ATP9B: variants seen among roughly 807,000 people sequenced by gnomAD.
The protein encoded by ATP9B is probable phospholipid-transporting ATPase IIB.
In ATP9B, 110 loss-of-function variants were observed where a neutral mutation model predicts 146.1. The observed-to-expected ratio is 0.75, with a 90% CI of 0.65 to 0.88. The LOEUF (loss-of-function observed/expected upper bound fraction) is 0.88, where lower values mean the gene tolerates loss of function less well. Among genes scored for constraint, ATP9B ranks in the 40% least tolerant of loss-of-function variants. The probability of loss-of-function intolerance (pLI) is 0.00; values close to 1 mark genes in which losing one functional copy is unlikely to be tolerated. For synonymous variants in ATP9B, 604 were observed against 569.7 expected (o/e 1.06, Z -0.86); for missense variants, 1,499 against 1,496.4 (o/e 1.00, Z -0.03).
intron 13 of ATP9B, among the ~76,000 whole-genome samples, chr18:79,284,201 G>T (rs2096409898): frequency 6.6e-6 from 1 of 152,188 alleles, no homozygotes; most frequent in African/African-American, 2.4e-5. Context: ...AATCTCACAG[G>T]TAAGACTTGG....
In ATP9B at chr18:79,359,369, C is replaced by T. The variant is rs758890366; in HGVS notation, c.2919C>T (p.Tyr973=). 1.2e-6 allele frequency: 2 copies of T among 1,613,554 alleles called. No homozygotes were observed. Among genetic ancestry groups the T allele is most frequent in the Non-Finnish European group, 1.7e-6 (2 of 1,179,620 alleles). The change falls in exon 26 of 30, where the codon TAC becomes TAT. Residue 973 remains tyrosine (Y), a synonymous_variant. Coordinates refer to ENST00000426216, the MANE Select transcript of ATP9B (RefSeq NM_198531.5). The stretch of plus-strand genomic sequence containing the variant: ...GGTCTTGCAGGTATGCCACCATATA[C>T]ACCATGTTCCCAGTGTTCTCCTTAG... ...GFLMVGYATI[Y]TMFPVFSLVL...
At chr18:79,222,654 C>A (rs1455473943) in intron 11 of ATP9B, among the ~76,000 whole-genome samples, 1 of 152,134 alleles carries the variant, frequency 6.6e-6, no homozygotes, top group Non-Finnish European at 1.5e-5. Flanking sequence ...AAAAAGAATT[C>A]TTGAAGGTGA....
chr18:79,356,830 AGG>A (rs2096957139), intron 25 of ATP9B, among the ~76,000 whole-genome samples: 2 of 73,986 alleles, frequency 2.7e-5, no homozygotes, highest in South Asian at 1.5e-3. Context: ...TGTCTGTGTG[AGG>A]GATGCTCTGG....
chr18:79,372,949 T>C, intron 27 of ATP9B, 67 bp downstream of exon 27: 1 of 1,131,932 alleles, frequency 8.8e-7, no homozygotes. Flanking sequence ...TTAGCAATAT[T>C]GTTTTTACTT....
At chr18:79,199,740 G>C (rs943286376) in intron 9 of ATP9B, among the ~76,000 whole-genome samples, 1 of 149,604 alleles carries the variant, frequency 6.7e-6, no homozygotes, top group African/African-American at 2.5e-5. Flanking sequence ...CTCCAGCCTG[G>C]TGACAGAACA....
intron 1 of ATP9B, chr18:79,087,657 G>A (rs1223455252): frequency 1.3e-5 from 2 of 152,150 alleles, no homozygotes; most frequent in African/African-American, 4.8e-5. Context: ...AAACAATAAG[G>A]CTTAGATATT....
At chr18:79,094,368 C>T (rs529023595) in intron 1 of ATP9B, among the ~76,000 whole-genome samples, 38 of 152,306 alleles carry the variant, frequency 2.5e-4, no homozygotes, top group Non-Finnish European at 1.2e-4. Flanking sequence ...GTTGTTTTTT[C>T]TCAGCTTTAT....
intron 13 of ATP9B, among the ~76,000 whole-genome samples, chr18:79,279,504 A>G (rs2096353644): frequency 6.6e-6 from 1 of 152,262 alleles, no homozygotes; most frequent in Non-Finnish European, 1.5e-5. Flanking sequence ...TAGAAAAAGC[A>G]AAAGAAACTT....
chr18:79,257,380 G>T (rs947964361), intron 12 of ATP9B, among the ~76,000 whole-genome samples: 28 of 152,258 alleles, frequency 1.8e-4, no homozygotes, highest in Admixed American at 1.7e-3. Context: ...ACCGGCCCCT[G>T]CTGACACAGA....
intron 7 of ATP9B, among the ~76,000 whole-genome samples, chr18:79,166,145 T>C (rs1217100478): frequency 1.3e-5 from 2 of 152,158 alleles, no homozygotes; most frequent in African/African-American, 2.4e-5. Context: ...CTACAGACTT[T>C]GTTTGAAAAA....
intron 9 of ATP9B, 60 bp downstream of exon 9, chr18:79,193,323 C>T: frequency 7.7e-7 from 1 of 1,306,050 alleles, no homozygotes; most frequent in Non-Finnish European, 1.1e-6. Context: ...AAGTAGCAAA[C>T]CTTTGAGACA....
chr18:79,236,360 T>C (rs922855733), intron 11 of ATP9B, among the ~76,000 whole-genome samples: 1 of 152,198 alleles, frequency 6.6e-6, no homozygotes, highest in South Asian at 2.1e-4. Flanking sequence ...GGCTGTTGTA[T>C]AGGAGCTCTT....
At chr18:79,176,046 C>T (rs1044441183) in intron 7 of ATP9B, among the ~76,000 whole-genome samples, 5 of 152,194 alleles carry the variant, frequency 3.3e-5, no homozygotes, top group Non-Finnish European at 4.4e-5. Flanking sequence ...GAGATCTTTC[C>T]ATGACAGTGT....
chr18:79,278,053 A>G (rs575565168), intron 13 of ATP9B, among the ~76,000 whole-genome samples: 2 of 152,380 alleles, frequency 1.3e-5, no homozygotes, highest in African/African-American at 2.4e-5. Context: ...GAAATAGGAT[A>G]TAAGACTAAA....
chr18:79,170,005 A>G (rs1333017489), intron 7 of ATP9B, among the ~76,000 whole-genome samples: 1 of 152,248 alleles, frequency 6.6e-6, no homozygotes. Context: ...CATTACTGTT[A>G]CTGTGTAAGA....
intron 7 of ATP9B, chr18:79,173,651 T>A (rs2095114442): frequency 1.1e-5 from 5 of 453,566 alleles, no homozygotes; most frequent in Admixed American, 2.4e-5. Flanking sequence ...GGGGACTCTC[T>A]CTGGGTTCTT....
At chr18:79,365,651 C>T (rs960978620) in intron 26 of ATP9B, among the ~76,000 whole-genome samples, 4 of 152,122 alleles carry the variant, frequency 2.6e-5, no homozygotes, top group African/African-American at 9.7e-5. Context: ...ACAGGGACAG[C>T]CCATGCGTGG....
intron 26 of ATP9B, 200 bp from the exon 27 acceptor site, chr18:79,372,625 G>C (rs1302236485): frequency 1.5e-6 from 1 of 671,000 alleles, no homozygotes; most frequent in East Asian, 2.9e-5. Context: ...CAGTGGACAC[G>C]TGTGGGACCC....
At chr18:79,336,606 G>A in intron 17 of ATP9B, 22 bp from the exon 18 acceptor site, 2 of 1,612,104 alleles carry the variant, frequency 1.2e-6, no homozygotes, top group Non-Finnish European at 1.7e-6. Context: ...GCCCACCTGT[G>A]ACTCGGCCTC....
Sources: gnomAD v4.1 joint callset for allele counts (sites outside exome capture counted in the v4.1 genomes callset) on GRCh38, gnomAD v4.1.1 for gene constraint, MANE v1.5 for transcripts, NCBI Gene and HGNC (gene_info 2026-07-23, HGNC 2026-07-21) for gene names.